BRIP1: variants seen among roughly 807,000 people sequenced by gnomAD.
The protein encoded by BRIP1 is Fanconi anemia group J protein.
Under a neutral mutation model 119.7 loss-of-function variants are expected in BRIP1, and 88 were observed. That is an observed-to-expected ratio of 0.74 (90% CI 0.62 to 0.88). The LOEUF (loss-of-function observed/expected upper bound fraction) is 0.88, where lower values mean the gene tolerates loss of function less well. Among genes scored for constraint, BRIP1 ranks in the 40% least tolerant of loss-of-function variants. The pLI is 0.00. For synonymous variants in BRIP1, 443 were observed against 496.5 expected (o/e 0.89, Z 1.43); for missense variants, 1,259 against 1,455.4 (o/e 0.87, Z 2.20).
rs748211848 is a variant in BRIP1 at position 61,849,134 on chromosome 17, G to A, written c.502C>T (p.Gln168Ter). ...TGCCAATAAACTCTGTTTACCTGCT[G>A]TGTAGTTTCTAAGGGTCGAATTCTT... ...KKRIRPLETT[Q>*]QIRKRHCFGT... Residue 168 changes from glutamine (Q) to a stop codon, truncating the protein, a stop_gained, in exon 5 of 20, where the codon CAG becomes TAG. Transcript: ENST00000259008. LOFTEE classifies it high-confidence loss of function. The A allele has an allele frequency of 6.2e-7, 1 of 1,613,404 alleles. No homozygotes were observed. Among genetic ancestry groups the A allele is most frequent in the South Asian group, 1.1e-5 (1 of 91,072 alleles).
chr17:61,837,530 A>G (rs1049558593), intron 6 of BRIP1, among the ~76,000 whole-genome samples: 3 of 152,286 alleles, frequency 2.0e-5, no homozygotes, highest in African/African-American at 7.2e-5. Context: ...AAAGAATGTT[A>G]GCATTTATTT....
intron 9 of BRIP1, among the ~76,000 whole-genome samples, chr17:61,797,750 C>T (rs1463934156): frequency 6.6e-6 from 1 of 151,396 alleles, no homozygotes; most frequent in East Asian, 1.9e-4. Flanking sequence ...AAAAGAACCA[C>T]AATAAGAACA....
At position 61,735,726 on chromosome 17, in the gene BRIP1, G is replaced by A. The variant is rs576420730; in HGVS notation, c.2379+7287C>T. Among the ~76,000 whole-genome samples the A allele has an allele frequency of 4.5e-4, 68 of 151,754 alleles. No homozygotes were observed. The highest frequency in any genetic ancestry group is 1.6e-3 in the African/African-American group (65 of 41,364). Reference sequence around the variant, plus strand: ...TGAGGTGGGAGGATCACCTGAGCCCGAGAGGCCAAGGCTGCAGTGACCCAT... The same window carrying A: ...TGAGGTGGGAGGATCACCTGAGCCCAAGAGGCCAAGGCTGCAGTGACCCAT... On this transcript the variant is annotated intron_variant, in intron 16 of 19. Coordinates refer to ENST00000259008, the MANE Select transcript of BRIP1 (RefSeq NM_032043.3). The surrounding 1 kb of genome is among the most constrained non-coding windows in gnomAD (Gnocchi z 4.4).
At chr17:61,712,822 T>C (rs1057094936) in intron 17 of BRIP1, among the ~76,000 whole-genome samples, 1 of 151,614 alleles carries the variant, frequency 6.6e-6, no homozygotes, top group African/African-American at 2.4e-5. Flanking sequence ...GAGAATTGCT[T>C]GAACGCAGGA....
chr17:61,835,537 T>A (rs932924017), intron 6 of BRIP1, among the ~76,000 whole-genome samples: 3 of 152,024 alleles, frequency 2.0e-5, no homozygotes. Flanking sequence ...AAAATATGCA[T>A]GCTACTTCAA....
At chr17:61,688,731 A>T (rs2061398806) in intron 18 of BRIP1, among the ~76,000 whole-genome samples, 1 of 151,726 alleles carries the variant, frequency 6.6e-6, no homozygotes, top group East Asian at 1.9e-4. Context: ...AAGGAACAAA[A>T]TAAGTCTCCA....
chr17:61,806,404 A>G lies in BRIP1; in HGVS notation c.918+2063T>C, dbSNP rs1314932697. Among the ~76,000 whole-genome samples, 1 of 152,206 alleles carries G rather than the reference A, an allele frequency of 6.6e-6. No individual in the cohort carries two copies. Among genetic ancestry groups the G allele is most frequent in the Admixed American group, 6.5e-5 (1 of 15,272 alleles). Reference sequence around the variant, plus strand: ...GAGGTAAGCATTCTGAGGCAGAATTAGGTCAAGACAAACCACAAGCAGATA... The same window carrying G: ...GAGGTAAGCATTCTGAGGCAGAATTGGGTCAAGACAAACCACAAGCAGATA... On this transcript the variant is annotated intron_variant, in intron 7 of 19. Transcript: ENST00000259008. The surrounding 1 kb of genome is among the most constrained non-coding windows in gnomAD (Gnocchi z 4.9).
In BRIP1 at chr17:61,708,985, G is replaced by A. The variant is rs1199520583; in HGVS notation, c.2492+6966C>T. ...AACCTCCATCTTTAATACGTCCTCA[G>A]CTGTGCCTGGTGTTGAAGAATACAG... On this transcript the variant is annotated intron_variant, in intron 17 of 19. Coordinates refer to ENST00000259008, the MANE Select transcript of BRIP1 (RefSeq NM_032043.3). The surrounding 1 kb of genome is among the most constrained non-coding windows in gnomAD (Gnocchi z 4.4). Among the ~76,000 whole-genome samples the A allele has an allele frequency of 1.3e-5, 2 of 152,122 alleles. No homozygotes were observed. Among genetic ancestry groups the A allele is most frequent in the Non-Finnish European group, 2.9e-5 (2 of 68,014 alleles).
Position 61,799,003 on chromosome 17 carries a change from G to C in BRIP1, c.1340+97C>G. 1.6e-6 allele frequency: 2 copies of C among 1,221,056 alleles called. No homozygotes were observed. Among genetic ancestry groups the C allele is most frequent in the Admixed American group, 1.7e-5 (1 of 57,528 alleles). 75.6% of individuals were successfully genotyped at this position (1,221,056 alleles called of 1,614,324 possible). On this transcript the variant is annotated intron_variant, in intron 9 of 19. Coordinates refer to ENST00000259008, the MANE Select transcript of BRIP1 (RefSeq NM_032043.3). The surrounding 1 kb of genome is among the most constrained non-coding windows in gnomAD (Gnocchi z 5.1). ...AACAATTCATTTCCCAAGAAGCCTA[G>C]TTAACCAAAGTTTACTAACTTTAAA...
At position 61,703,729 on chromosome 17, in the gene BRIP1, A is replaced by G. The variant is rs145140074; in HGVS notation, c.2493-10217T>C. Among the ~76,000 whole-genome samples, 647 of 152,106 alleles carry G rather than the reference A, an allele frequency of 4.3e-3. 6 individuals carry two copies. Among genetic ancestry groups the G allele is most frequent in the African/African-American group, 0.015 (621 of 41,490 alleles). On this transcript the variant is annotated intron_variant, in intron 17 of 19. Transcript: ENST00000259008. This position sits in a 1 kb window ranked among gnomAD's most constrained non-coding sequence, Gnocchi z 5.0. ...TTTGCTAGAGCCTATGTCCAGAATG[A>G]TATTTCCTAGGTTTTCTTCAAGGGT...
rs930163127 is a variant in BRIP1, at chr17:61,720,570, G to T, written c.2380-4507C>A. Among the ~76,000 whole-genome samples the T allele has an allele frequency of 1.3e-5, 2 of 152,038 alleles. No individual in the cohort carries two copies. The highest frequency in any genetic ancestry group is 2.9e-5 in the Non-Finnish European group (2 of 68,006). Reference sequence around the variant, plus strand: ...CCAGAAATAATTTATGTTTTAAATTGCCCACTGTTCTGAGTAGCATGATGA... The same window carrying T: ...CCAGAAATAATTTATGTTTTAAATTTCCCACTGTTCTGAGTAGCATGATGA... On this transcript the variant is annotated intron_variant, in intron 16 of 19. Coordinates refer to ENST00000259008, the MANE Select transcript of BRIP1 (RefSeq NM_032043.3). The surrounding 1 kb of genome is among the most constrained non-coding windows in gnomAD (Gnocchi z 4.3).
At chr17:61,812,259 T>C (rs1474854574) in intron 6 of BRIP1, among the ~76,000 whole-genome samples, 2 of 152,184 alleles carry the variant, frequency 1.3e-5, no homozygotes, top group Non-Finnish European at 2.9e-5. Context: ...GTATCTCTTA[T>C]TGAGTATTTT....
Position 61,845,691 on chromosome 17 carries a change from G to A in BRIP1, c.627+1410C>T, listed in dbSNP as rs780833719. Among the ~76,000 whole-genome samples, 1 of 152,090 alleles carries A rather than the reference G, an allele frequency of 6.6e-6. No homozygotes were observed. Among genetic ancestry groups the A allele is most frequent in the Non-Finnish European group, 1.5e-5 (1 of 68,016 alleles). On this transcript the variant is annotated intron_variant, in intron 6 of 19. Transcript: ENST00000259008. The surrounding 1 kb of genome is among the most constrained non-coding windows in gnomAD (Gnocchi z 4.2). The stretch of plus-strand genomic sequence containing the variant: ...AAATGATGTTCCATGACAAAAAGTG[G>A]CTAGTCAGCTCACAATCCAAACTAT...
Position 61,824,300 on chromosome 17 carries a change from A to G in BRIP1, c.628-15543T>C, listed in dbSNP as rs2145565850. Reference sequence around the variant, plus strand: ...ATAACCCAATGAAGTTTCTTGCAGAAATAGAAAATACCATCCTAAAATTCA... The same window carrying G: ...ATAACCCAATGAAGTTTCTTGCAGAGATAGAAAATACCATCCTAAAATTCA... On this transcript the variant is annotated intron_variant, in intron 6 of 19. Transcript: ENST00000259008. The surrounding 1 kb of genome is among the most constrained non-coding windows in gnomAD (Gnocchi z 4.3). 6.6e-6 allele frequency among the ~76,000 whole-genome samples: 1 copy of G among 152,356 alleles called. No individual in the cohort carries two copies. Among genetic ancestry groups the G allele is most frequent in the South Asian group, 2.1e-4 (1 of 4,832 alleles).
Position 61,825,735 on chromosome 17 carries a change from T to C in BRIP1, c.628-16978A>G, listed in dbSNP as rs1478498266. Reference sequence around the variant, plus strand: ...TACAAAGGGAACTACAAAGCACTGCTTGAAGAAATCAGAGATTTCTTACAA... The same window carrying C: ...TACAAAGGGAACTACAAAGCACTGCCTGAAGAAATCAGAGATTTCTTACAA... On this transcript the variant is annotated intron_variant, in intron 6 of 19. Transcript: ENST00000259008. The surrounding 1 kb of genome is among the most constrained non-coding windows in gnomAD (Gnocchi z 4.1). 6.6e-6 allele frequency among the ~76,000 whole-genome samples: 1 copy of C among 151,974 alleles called. No individual in the cohort carries two copies. The highest frequency in any genetic ancestry group is 2.4e-5 in the African/African-American group (1 of 41,402).
chr17:61,765,240 G>T (rs1210916814), intron 14 of BRIP1, among the ~76,000 whole-genome samples: 1 of 149,670 alleles, frequency 6.7e-6, no homozygotes, highest in Non-Finnish European at 1.5e-5. Flanking sequence ...GGACATCCTT[G>T]ACTCTAGTTT....
Position 61,799,359 on chromosome 17 carries a change from G to T in BRIP1, c.1141-60C>A. On this transcript the variant is annotated intron_variant, in intron 8 of 19. Transcript: ENST00000259008. This position sits in a 1 kb window ranked among gnomAD's most constrained non-coding sequence, Gnocchi z 5.1. ...GGCAAAATAGATTTAACAACAGCAG[G>T]CAAGATATTTCATTTTAAAATTCAC... 1 of 1,311,822 alleles carries T rather than the reference G, an allele frequency of 7.6e-7. No homozygotes were observed. The highest frequency in any genetic ancestry group is 1.1e-6 in the Non-Finnish European group (1 of 921,434). The allele number at this position is 1,311,822 out of a possible 1,614,324, so 81.3% of individuals were successfully genotyped here. A position where few individuals can be genotyped will look rare whatever the true frequency, so the allele number is the denominator to read the frequency against.
chr17:61,686,686 G>C lies in BRIP1; in HGVS notation c.2576-521C>G, dbSNP rs73991941. On this transcript the variant is annotated intron_variant, in intron 18 of 19. Transcript: ENST00000259008. The surrounding 1 kb of genome is among the most constrained non-coding windows in gnomAD (Gnocchi z 5.4). ...TTCTGGAGGTGAAATAAATAACACT[G>C]TCTTATGGGTAAATCACATCCCTTC... Among the ~76,000 whole-genome samples, 508 of 151,970 alleles carry C rather than the reference G, an allele frequency of 3.3e-3. 4 individuals carry two copies. Among genetic ancestry groups the C allele is most frequent in the African/African-American group, 0.012 (479 of 41,470 alleles).
At chr17:61,849,394 T>C in intron 4 of BRIP1, 138 bp from the exon 5 acceptor site, 1 of 718,130 alleles carries the variant, frequency 1.4e-6, no homozygotes, top group East Asian at 2.7e-5. Context: ...CTTAAACATG[T>C]TTAAAAAGTA....
Sources: gnomAD v4.1 joint callset for allele counts (sites outside exome capture counted in the v4.1 genomes callset) on GRCh38, gnomAD v4.1.1 for gene constraint, Gnocchi (gnomAD v3.1) non-coding constraint, MANE v1.5 for transcripts, NCBI Gene and HGNC (gene_info 2026-07-23, HGNC 2026-07-21) for gene names.